The following XAF1 variants were observed in gnomAD, a reference collection of about 807,000 sequenced individuals.
The protein encoded by XAF1 is XIAP-associated factor 1.
XAF1 carries 32 observed loss-of-function variants against 32.3 expected under a neutral mutation model. That is an observed-to-expected ratio of 0.99 (90% CI 0.75 to 1.33). The LOEUF (loss-of-function observed/expected upper bound fraction) is 1.33. Ranked by LOEUF, XAF1 falls within the 40% of genes most tolerant of loss-of-function variation. The pLI is 0.00. For synonymous variants in XAF1, 120 were observed against 125.9 expected (o/e 0.95, Z 0.31); for missense variants, 379 against 366.0 (o/e 1.04, Z -0.29).
At position 6,761,885 on chromosome 17, in the gene XAF1, G is replaced by C. The variant is rs1469670501; in HGVS notation, c.422-270G>C. 5.5e-6 allele frequency: 8 copies of C among 1,459,194 alleles called. No individual in the cohort carries two copies. The South Asian group carries it at 9.7e-5, about 18-fold the overall frequency. The allele number at this position is 1,459,194 out of a possible 1,614,324, so 90.4% of individuals were successfully genotyped here. A position where few individuals can be genotyped will look rare whatever the true frequency, so the allele number is the denominator to read the frequency against. On this transcript the variant is annotated intron_variant, in intron 4 of 6. Coordinates refer to ENST00000361842, the MANE Select transcript of XAF1 (RefSeq NM_017523.5). ...GGCTACAGCTCCATTCATCTCCTTAGAAACCAGTCCTGATCCAGGAAAATG... is the reference window on the plus strand; with the variant it reads ...GGCTACAGCTCCATTCATCTCCTTACAAACCAGTCCTGATCCAGGAAAATG...
chr17:6,761,858 G>A (rs1288065546), intron 4 of XAF1: 55 of 1,412,454 alleles, frequency 3.9e-5, no homozygotes, highest in Non-Finnish European at 4.7e-5. Flanking sequence ...GTTGGCATCC[G>A]TGGCTACAGC....
At chr17:6,759,110 C>A (rs192839408) in intron 2 of XAF1, 2 of 1,015,814 alleles carry the variant, frequency 2.0e-6, no homozygotes, top group African/African-American at 1.7e-5. Flanking sequence ...AGGGTCCAGT[C>A]CCCCAGGCAG....
intron 6 of XAF1, chr17:6,771,740 A>C (rs1391729519): frequency 2.6e-5 from 4 of 152,208 alleles, no homozygotes; most frequent in Non-Finnish European, 4.4e-5. Context: ...TACTTAAAAA[A>C]TTTATTTTTT....
At chr17:6,763,521 G>A (rs546438258) in intron 5 of XAF1, among the ~76,000 whole-genome samples, 75 of 152,066 alleles carry the variant, frequency 4.9e-4, no homozygotes, top group African/African-American at 1.7e-3. Context: ...TAGTAGAGAC[G>A]GGGTTTTACC....
chr17:6,761,848 G>A (rs1349297459), intron 4 of XAF1: 3 of 1,395,100 alleles, frequency 2.2e-6, no homozygotes, highest in African/African-American at 1.4e-5. Flanking sequence ...AATGGAGGGG[G>A]TTGGCATCCG....
At position 6,762,516 on chromosome 17, in the gene XAF1, T is replaced by G. The variant is rs954294982; in HGVS notation, c.507+276T>G. On this transcript the variant is annotated intron_variant, in intron 5 of 6. Transcript: ENST00000361842. ...CACCTCTGACCATCTCCAAACTTCATGGCCTGGACATTGCAATTTGGTCCT... is the reference window on the plus strand; with the variant it reads ...CACCTCTGACCATCTCCAAACTTCAGGGCCTGGACATTGCAATTTGGTCCT... Among the ~76,000 whole-genome samples the G allele has an allele frequency of 7.2e-5, 11 of 152,206 alleles. No individual in the cohort carries two copies. The East Asian group carries it at 1.9e-3, about 27-fold the overall frequency.
intron 6 of XAF1, chr17:6,771,442 T>A (rs1218468902): frequency 1.3e-5 from 2 of 153,926 alleles, no homozygotes; most frequent in African/African-American, 4.8e-5. Context: ...TTCAAGAAGA[T>A]CAGGGTTTGT....
chr17:6,759,730 A>G lies in XAF1; in HGVS notation c.225+12A>G, dbSNP rs1975026291. 9.9e-6 allele frequency: 16 copies of G among 1,614,006 alleles called. No individual in the cohort carries two copies. The highest frequency in any genetic ancestry group is 1.1e-5 in the Non-Finnish European group (13 of 1,180,016). ...TGGAGTTTCATAAGGTAAGAGCCCC[A>G]TGTGATTTCTCCTTTACAGCCAAAT... On this transcript the variant is annotated intron_variant, in intron 3 of 6. Coordinates refer to ENST00000361842, the MANE Select transcript of XAF1 (RefSeq NM_017523.5).
In XAF1 at chr17:6,760,577, A is replaced by G. The variant is rs1975116621; in HGVS notation, c.397A>G (p.Ser133Gly). The stretch of plus-strand genomic sequence containing the variant: ...CGCCCAGCACAGAGATGTCTGTCGC[A>G]GTGAACAGGCCCAGCTCGGGAAAGG... ...MLAQHRDVCR[S>G]EQAQLGKGER... is the part of the protein sequence containing the mutation. The change falls in exon 4 of 7, where the codon AGT becomes GGT. Residue 133 changes from serine (S) to glycine (G), a missense_variant. Coordinates refer to ENST00000361842, the MANE Select transcript of XAF1 (RefSeq NM_017523.5). The G allele has an allele frequency of 6.2e-7, 1 of 1,611,766 alleles. No homozygotes were observed. Among genetic ancestry groups the G allele is most frequent in the South Asian group, 1.1e-5 (1 of 90,972 alleles).
rs1179772760 is a variant in XAF1 at position 6,759,649 on chromosome 17, T to C, written c.169-13T>C. The C allele has an allele frequency of 6.2e-7, 1 of 1,612,302 alleles. No homozygotes were observed. The highest frequency in any genetic ancestry group is 1.3e-5 in the African/African-American group (1 of 74,868). On this transcript the variant is annotated splice_polypyrimidine_tract_variant and intron_variant, in intron 2 of 6. Coordinates refer to ENST00000361842, the MANE Select transcript of XAF1 (RefSeq NM_017523.5). ...CATCTGGTGTGTGTGTGTGTGTGTG[T>C]GTGTGTGTTTAGGTTGGGTGTACGA...
chr17:6,759,680 C>T lies in XAF1; in HGVS notation c.187C>T (p.Gln63Ter). The T allele has an allele frequency of 3.7e-6, 6 of 1,613,372 alleles. No homozygotes were observed. The highest frequency in any genetic ancestry group is 5.1e-6 in the Non-Finnish European group (6 of 1,179,968). ...TGTTTAGGTTGGGTGTACGATGTGT[C>T]AGCAGAGCATGCAGAAGTCCTCGCT... ...EHQQVGCTMC[Q>*]QSMQKSSLEF... Residue 63 changes from glutamine (Q) to a stop codon, truncating the protein, a stop_gained, in exon 3 of 7, where the codon CAG becomes TAG. Transcript: ENST00000361842. LOFTEE classifies it high-confidence loss of function.
intron 5 of XAF1, among the ~76,000 whole-genome samples, chr17:6,767,336 C>G (rs1219399674): frequency 6.6e-6 from 1 of 152,156 alleles, no homozygotes; most frequent in African/African-American, 2.4e-5. Context: ...TAAATCTACT[C>G]TTAGATACAT....
intron 4 of XAF1, 115 bp downstream of exon 4, chr17:6,760,716 T>C (rs2151535149): frequency 6.6e-6 from 7 of 1,066,066 alleles, no homozygotes; most frequent in Non-Finnish European, 9.4e-6. Flanking sequence ...ATTTGCTGTA[T>C]AGATCTCAAT....
intron 1 of XAF1, chr17:6,756,339 G>T: frequency 3.7e-6 from 5 of 1,338,290 alleles, no homozygotes; most frequent in Non-Finnish European, 4.9e-6. Flanking sequence ...TCCCCCAAAT[G>T]TTAGGCTTTC....
intron 5 of XAF1, among the ~76,000 whole-genome samples, chr17:6,768,250 A>G (rs1975765479): frequency 6.6e-6 from 1 of 152,080 alleles, no homozygotes; most frequent in African/African-American, 2.4e-5. Flanking sequence ...CAGCCTCTCA[A>G]GTAGCTGGTA....
At chr17:6,756,545 G>A (rs9893884) in intron 1 of XAF1, among the ~76,000 whole-genome samples, 12,846 of 150,674 alleles carry the variant, frequency 0.085, 1,570 homozygotes, top group African/African-American at 0.27. Context: ...GGGCAGGGGG[G>A]ACAGAGCAGG....
At chr17:6,756,925 C>G (rs552683566) in intron 1 of XAF1, among the ~76,000 whole-genome samples, 280 of 152,238 alleles carry the variant, frequency 1.8e-3, no homozygotes, top group Non-Finnish European at 3.2e-3. Context: ...ACCCCATTTC[C>G]CTTCTCCCAA....
At position 6,773,427 on chromosome 17, in the gene XAF1, A is replaced by G. The variant is rs1006615228; in HGVS notation, c.*258A>G. ...CGTCGAAGGAACATACCTCAAAATA[A>G]TAAGAGCCATCTATGACAAAACCAC... On this transcript the variant is annotated 3_prime_UTR_variant, in exon 7 of 7. Coordinates refer to ENST00000361842, the MANE Select transcript of XAF1 (RefSeq NM_017523.5). 4 of 392,036 alleles carry G rather than the reference A, an allele frequency of 1.0e-5. No homozygotes were observed. Among genetic ancestry groups the G allele is most frequent in the Admixed American group, 4.8e-5 (1 of 20,704 alleles). The allele number at this position is 392,036 out of a possible 1,614,324, so 24.3% of individuals were successfully genotyped here. A position where few individuals can be genotyped will look rare whatever the true frequency, so the allele number is the denominator to read the frequency against.
At chr17:6,761,852 G>T in intron 4 of XAF1, 1 of 1,400,174 alleles carries the variant, frequency 7.1e-7, no homozygotes, top group Non-Finnish European at 9.4e-7. Flanking sequence ...GAGGGGGTTG[G>T]CATCCGTGGC....
Sources: gnomAD v4.1 joint callset for allele counts (sites outside exome capture counted in the v4.1 genomes callset) on GRCh38, gnomAD v4.1.1 for gene constraint, MANE v1.5 for transcripts, NCBI Gene and HGNC (gene_info 2026-07-23, HGNC 2026-07-21) for gene names.